The following MAPK7 variants were observed in gnomAD, a reference collection of about 807,000 sequenced individuals.
MAPK7 encodes mitogen-activated protein kinase 7.
Under a neutral mutation model 56.9 loss-of-function variants are expected in MAPK7, and 30 were observed. The ratio of observed to expected loss-of-function variants is 0.53; its 90% confidence interval spans 0.39 to 0.72. The LOEUF is 0.72. Among genes scored for constraint, MAPK7 ranks in the 30% least tolerant of loss-of-function variants. The probability of loss-of-function intolerance (pLI) is 0.00; values close to 1 mark genes in which losing one functional copy is unlikely to be tolerated. For missense variants in MAPK7, 952 were observed against 1,110.8 expected, an observed-to-expected ratio of 0.86 and a Z score of 2.03; for synonymous variants, 516 against 449.3, an observed-to-expected ratio of 1.15 and a Z score of -1.88.
Position 19,378,591 on chromosome 17 carries a change from C to G in MAPK7, c.-45C>G, listed in dbSNP as rs1912311270. The G allele has an allele frequency of 8.1e-7, 1 of 1,237,952 alleles. No individual in the cohort carries two copies. The highest frequency in any genetic ancestry group is 4.0e-5 in the Admixed American group (1 of 24,698). The allele number at this position is 1,237,952 out of a possible 1,614,324, so 76.7% of individuals were successfully genotyped here. ...CCCCGCGCTGGGGACGGGAGGCCGGCGAGCCTCGGGACCTCTGAAAGCCTT... is the reference window on the plus strand; with the variant it reads ...CCCCGCGCTGGGGACGGGAGGCCGGGGAGCCTCGGGACCTCTGAAAGCCTT... On this transcript the variant is annotated 5_prime_UTR_variant, in exon 1 of 7. Coordinates refer to ENST00000395604, the MANE Select transcript of MAPK7 (RefSeq NM_002749.4). This position sits in a 1 kb window ranked among gnomAD's most constrained non-coding sequence, Gnocchi z 5.4.
intron 5 of MAPK7, 102 bp downstream of exon 5, chr17:19,382,568 G>A: frequency 6.6e-7 from 1 of 1,505,114 alleles, no homozygotes; most frequent in South Asian, 1.3e-5. Flanking sequence ...AGCAGATGGG[G>A]CTTTATCTCT....
chr17:19,378,790 G>C lies in MAPK7; in HGVS notation c.-5-106G>C. ...GAACCAGCCGCGCGCTTCTGCCCTTGTCGGTTTAGGAAACTGGGAAGTTCC... is the reference window on the plus strand; with the variant it reads ...GAACCAGCCGCGCGCTTCTGCCCTTCTCGGTTTAGGAAACTGGGAAGTTCC... On this transcript the variant is annotated intron_variant, in intron 1 of 6. Transcript: ENST00000395604. The surrounding 1 kb of genome is among the most constrained non-coding windows in gnomAD (Gnocchi z 5.4). The C allele has an allele frequency of 3.1e-6, 4 of 1,310,038 alleles. No homozygotes were observed. The highest frequency in any genetic ancestry group is 3.1e-6 in the Non-Finnish European group (3 of 975,262). The allele number at this position is 1,310,038 out of a possible 1,614,324, so 81.2% of individuals were successfully genotyped here.
chr17:19,378,533 C>T lies in MAPK7; in HGVS notation c.-103C>T. On this transcript the variant is annotated 5_prime_UTR_variant, in exon 1 of 7. Coordinates refer to ENST00000395604, the MANE Select transcript of MAPK7 (RefSeq NM_002749.4). This position sits in a 1 kb window ranked among gnomAD's most constrained non-coding sequence, Gnocchi z 5.4. ...AAGACGCTGAGGTGGTGGCTGCGGC[C>T]TTTGAACAAGTAAGTGAGCCACCCT... is the stretch of plus-strand genomic sequence containing the variant. The T allele has an allele frequency of 2.6e-6, 3 of 1,138,854 alleles. No homozygotes were observed. The highest frequency in any genetic ancestry group is 3.3e-6 in the Non-Finnish European group (3 of 922,266). 70.5% of individuals were successfully genotyped at this position (1,138,854 alleles called of 1,614,324 possible).
chr17:19,377,799 C>G (rs1912221982), upstream of MAPK7: 1 of 982,180 alleles, frequency 1.0e-6, no homozygotes, highest in African/African-American at 1.7e-5. Context: ...CCTCGGTTAA[C>G]TCCGCTGCAG....
In MAPK7 at chr17:19,382,959, G is replaced by C. The variant is rs754322957; in HGVS notation, c.2297+13G>C. The C allele has an allele frequency of 1.9e-6, 3 of 1,614,068 alleles. No homozygotes were observed. In the South Asian group the frequency reaches 3.3e-5, roughly 18 times the overall value. ...GGCCACAGGATGGGTAAGGTGGCTG[G>C]ACTGAGCTCCTAGACTGGGACTGTG... On this transcript the variant is annotated intron_variant, in intron 6 of 6. Transcript: ENST00000395604.
At position 19,381,874 on chromosome 17, in the gene MAPK7, G is replaced by A. The variant is rs1158869204; in HGVS notation, c.1571G>A (p.Arg524Gln). 1 of 1,577,082 alleles carries A rather than the reference G, an allele frequency of 6.3e-7. No homozygotes were observed. Among genetic ancestry groups the A allele is most frequent in the South Asian group, 1.1e-5 (1 of 87,038 alleles). ...GAGCGGGAGGAGAAGCGGCGGAGGC[G>A]GCAAGAACGAGCCAAGGAGCGGGAG... Reference protein sequence around the residue: ...QREREEKRRRRQERAKEREKR... With the variant: ...QREREEKRRRQQERAKEREKR... Residue 524 changes from arginine to glutamine, a missense_variant, in exon 5 of 7, where the codon CGG (arginine) becomes CAG (glutamine). Around this residue, in one of 5 missense-constraint regions of MAPK7, gnomAD observed 429 missense variants for 533.0 expected, o/e 0.80. Coordinates refer to ENST00000395604, the MANE Select transcript of MAPK7 (RefSeq NM_002749.4). The surrounding 1 kb of genome is among the most constrained non-coding windows in gnomAD (Gnocchi z 4.6).
chr17:19,381,508 T>G lies in MAPK7; in HGVS notation c.1299T>G (p.Ser433=), dbSNP rs1567921283. The stretch of plus-strand genomic sequence containing the variant: ...CCAGTGGGGACTGTGCCATGGAGTC[T>G]CCACCACCAGCCCCGCCACCATGCC... ...WAPSGDCAME[S]PPPAPPPCPG... is the part of the protein sequence containing the mutation. Residue 433 remains serine, a synonymous_variant, in exon 4 of 7, where the codon TCT becomes TCG. Coordinates refer to ENST00000395604, the MANE Select transcript of MAPK7 (RefSeq NM_002749.4). This position sits in a 1 kb window ranked among gnomAD's most constrained non-coding sequence, Gnocchi z 4.6. 6.2e-7 allele frequency: 1 copy of G among 1,613,628 alleles called. No homozygotes were observed. The highest frequency in any genetic ancestry group is 8.5e-7 in the Non-Finnish European group (1 of 1,179,904).
At position 19,380,183 on chromosome 17, in the gene MAPK7, C is replaced by T. The variant is rs1912531211; in HGVS notation, c.398+236C>T. The T allele has an allele frequency of 5.3e-6, 3 of 568,952 alleles. No individual in the cohort carries two copies. The East Asian group carries it at 9.0e-5, about 17-fold the overall frequency. 35.2% of individuals were successfully genotyped at this position (568,952 alleles called of 1,614,324 possible). A position where few individuals can be genotyped will look rare whatever the true frequency, so the allele number is the denominator to read the frequency against. The stretch of plus-strand genomic sequence containing the variant: ...AGTATATAGGATGTCAAATGTAGGA[C>T]ATTCCTACTATGACCACACCCTCCT... On this transcript the variant is annotated intron_variant, in intron 3 of 6. Transcript: ENST00000395604.
At chr17:19,377,862 G>C (rs1912229186), upstream of MAPK7, 3 of 985,326 alleles carry the variant, frequency 3.0e-6, no homozygotes, top group African/African-American at 3.5e-5. Flanking sequence ...AAGATACCTA[G>C]AAGCCAGGAA....
intron 3 of MAPK7, chr17:19,380,179 A>G: frequency 1.7e-6 from 1 of 574,032 alleles, no homozygotes; most frequent in East Asian, 3.0e-5. Flanking sequence ...TGTCAAATGT[A>G]GGACATTCCT....
At position 19,383,130 on chromosome 17, in the gene MAPK7, G is replaced by A; in HGVS notation, c.2350G>A (p.Gly784Ser). 6.2e-7 allele frequency: 1 copy of A among 1,614,080 alleles called. No individual in the cohort carries two copies. The highest frequency in any genetic ancestry group is 8.5e-7 in the Non-Finnish European group (1 of 1,180,010). The change falls in exon 7 of 7, where the codon GGC becomes AGC. Residue 784 changes from glycine to serine, a missense_variant. Coordinates refer to ENST00000395604, the MANE Select transcript of MAPK7 (RefSeq NM_002749.4). ...CTCCCTGCTTGCTGACTGGCTCGAA[G>A]GCCATGGCATGAACCCTGCCGATAT... ...SASLLADWLEGHGMNPADIES... is the reference protein window; with the variant it reads ...SASLLADWLESHGMNPADIES...
Position 19,381,007 on chromosome 17 carries a change from CTATG to C in MAPK7, c.801_804del (p.Val268ThrfsTer7). ...GGCGCCAGCTCTTCCCAGGCAAAAA[CTATG>C]TACACCAGCTACAGCTCATCATGAT... On this transcript the variant is annotated frameshift_variant, in exon 4 of 7. Coordinates refer to ENST00000395604, the MANE Select transcript of MAPK7 (RefSeq NM_002749.4). LOFTEE classifies it high-confidence loss of function. The surrounding 1 kb of genome is among the most constrained non-coding windows in gnomAD (Gnocchi z 4.6). 3 of 1,614,190 alleles carry C rather than the reference CTATG, an allele frequency of 1.9e-6. No homozygotes were observed. The highest frequency in any genetic ancestry group is 2.5e-6 in the Non-Finnish European group (3 of 1,180,048).
chr17:19,382,839 C>G lies in MAPK7; in HGVS notation c.2190C>G (p.Phe730Leu), dbSNP rs746645223. 3 of 1,614,088 alleles carry G rather than the reference C, an allele frequency of 1.9e-6. No individual in the cohort carries two copies. The African/African-American group carries it at 4.0e-5, about 22-fold the overall frequency. ...TGGAGGACCCCCTGCCCCCTGTGTT[C>G]TCAGGCACACCAAAGGGCAGTGGGG... is the stretch of plus-strand genomic sequence containing the variant. The part of the protein sequence containing the change: ...SQVEDPLPPV[F>L]SGTPKGSGAG... Residue 730 changes from phenylalanine (F) to leucine (L), a missense_variant, in exon 6 of 7, where the codon TTC becomes TTG. Physicochemically the swap from Phe to Leu is conservative, Grantham distance 22. Transcript: ENST00000395604.
chr17:19,379,734 A>G (rs1280381365), intron 2 of MAPK7, 48 bp from the exon 3 acceptor site: 1 of 1,584,208 alleles, frequency 6.3e-7, no homozygotes, highest in East Asian at 2.2e-5. Context: ...TCGACTCTGC[A>G]GTTTCTCCAA....
rs1393230757 is a variant in MAPK7 at position 19,381,753 on chromosome 17, C to T, written c.1478-28C>T. ...ACTTGGACAAGGCTTCAGGCTTTTACCTTCTCCCCTGCCCAACTTCCCCGC... is the reference window on the plus strand; with the variant it reads ...ACTTGGACAAGGCTTCAGGCTTTTATCTTCTCCCCTGCCCAACTTCCCCGC... On this transcript the variant is annotated intron_variant, in intron 4 of 6. Transcript: ENST00000395604. The surrounding 1 kb of genome is among the most constrained non-coding windows in gnomAD (Gnocchi z 4.6). 5 of 1,538,354 alleles carry T rather than the reference C, an allele frequency of 3.3e-6. No individual in the cohort carries two copies. The highest frequency in any genetic ancestry group is 4.4e-6 in the Non-Finnish European group (5 of 1,145,730).
chr17:19,382,680 C>A, intron 5 of MAPK7, 133 bp from the exon 6 acceptor site: 1 of 1,413,518 alleles, frequency 7.1e-7, no homozygotes, highest in Non-Finnish European at 9.5e-7. Context: ...AGAGATGGGG[C>A]CAGCCAGCAC....
At chr17:19,380,061 T>C in intron 3 of MAPK7, 114 bp downstream of exon 3, 1 of 1,199,268 alleles carries the variant, frequency 8.3e-7, no homozygotes, top group East Asian at 2.4e-5. Context: ...GCTGGGAAAA[T>C]TCCCGCAGTT....
chr17:19,378,659 G>GC lies in MAPK7; in HGVS notation c.-6+33dup. ...AGTGCGGCCCTGAGGAAACCCAGGT[G>GC]CCCCGCCCCTCCCTTTCTTCCTGGC... On this transcript the variant is annotated intron_variant, in intron 1 of 6. Transcript: ENST00000395604. This position sits in a 1 kb window ranked among gnomAD's most constrained non-coding sequence, Gnocchi z 5.4. 7.1e-7 allele frequency: 1 copy of GC among 1,406,946 alleles called. No individual in the cohort carries two copies. Among genetic ancestry groups the GC allele is most frequent in the Non-Finnish European group, 9.2e-7 (1 of 1,084,312 alleles). The allele number at this position is 1,406,946 out of a possible 1,614,324, so 87.2% of individuals were successfully genotyped here. A position where few individuals can be genotyped will look rare whatever the true frequency, so the allele number is the denominator to read the frequency against.
Position 19,382,030 on chromosome 17 carries a change from C to G in MAPK7, c.1727C>G (p.Ala576Gly). 1 of 1,563,068 alleles carries G rather than the reference C, an allele frequency of 6.4e-7. No homozygotes were observed. Among genetic ancestry groups the G allele is most frequent in the East Asian group, 2.4e-5 (1 of 41,802 alleles). ...RSLLERWTRM[A>G]RPAAPALTSV... Reference sequence around the variant, plus strand: ...CTGTTGGAACGCTGGACTCGAATGGCCCGGCCCGCAGCCCCAGCCCTCACC... The same window carrying G: ...CTGTTGGAACGCTGGACTCGAATGGGCCGGCCCGCAGCCCCAGCCCTCACC... Residue 576 changes from alanine to glycine, a missense_variant, in exon 5 of 7, where the codon GCC becomes GGC. This residue lies in a region of MAPK7 where 234 missense variants were observed against 210.4 expected (regional missense o/e 1.11). Coordinates refer to ENST00000395604, the MANE Select transcript of MAPK7 (RefSeq NM_002749.4).
Sources: allele counts gnomAD v4.1 joint callset, GRCh38; gene constraint gnomAD v4.1.1; regional missense constraint gnomAD v4.1.1; non-coding constraint Gnocchi (gnomAD v3.1); transcripts MANE v1.5; gene names NCBI Gene and HGNC (gene_info 2026-07-23, HGNC 2026-07-21).